The following DNM1 variants were observed in gnomAD, a reference collection of about 807,000 sequenced individuals.
DNM1 encodes the protein dynamin-1.
A neutral mutation model predicts 104.6 loss-of-function variants in DNM1; 29 were observed. The observed-to-expected ratio is 0.28, with a 90% CI of 0.21 to 0.38. The LOEUF (loss-of-function observed/expected upper bound fraction) is 0.38. Among genes scored for constraint, DNM1 ranks in the 10% least tolerant of loss-of-function variants. DNM1 has a pLI of 1.00. For missense variants in DNM1, 640 were observed against 1,189.4 expected (o/e 0.54, Z 6.79); for synonymous variants, 445 against 475.8 (o/e 0.94, Z 0.84).
Position 128,247,568 on chromosome 9 carries a change from C to A in DNM1, c.1893+82C>A. The A allele has an allele frequency of 1.7e-6, 2 of 1,150,976 alleles. No homozygotes were observed. The highest frequency in any genetic ancestry group is 1.5e-5 in the African/African-American group (1 of 65,612). The allele number at this position is 1,150,976 out of a possible 1,614,324, so 71.3% of individuals were successfully genotyped here. ...CCATCCTCAGTGATGCCAAGTCATG[C>A]CATGTTTCCGAGCCCTTATTTGGCT... On this transcript the variant is annotated intron_variant, in intron 17 of 21. Transcript: ENST00000372923. This position sits in a 1 kb window ranked among gnomAD's most constrained non-coding sequence, Gnocchi z 5.1.
chr9:128,213,068 C>T (rs1052394149), intron 1 of DNM1, among the ~76,000 whole-genome samples: 3 of 152,070 alleles, frequency 2.0e-5, no homozygotes, highest in South Asian at 2.1e-4. Context: ...AAATATTTCA[C>T]GTATTTTCTG....
intron 14 of DNM1, among the ~76,000 whole-genome samples, chr9:128,241,450 C>T (rs538620173): frequency 2.5e-4 from 38 of 152,298 alleles, no homozygotes; most frequent in Admixed American, 7.9e-4. Flanking sequence ...TCAGCCCTTG[C>T]CCCTGGGGAC....
At chr9:128,244,240 G>A (rs1263899718) in intron 15 of DNM1, among the ~76,000 whole-genome samples, 2 of 151,804 alleles carry the variant, frequency 1.3e-5, no homozygotes, top group Non-Finnish European at 2.9e-5. Context: ...TTGTGAGGGT[G>A]TGTATGGGTG....
At chr9:128,244,011 T>C (rs1483255160) in intron 15 of DNM1, among the ~76,000 whole-genome samples, 1 of 150,768 alleles carries the variant, frequency 6.6e-6, no homozygotes, top group Non-Finnish European at 1.5e-5. Flanking sequence ...GGAGTGTGAT[T>C]GGAGTATAAG....
In DNM1 at chr9:128,223,040, G is replaced by T. The variant is rs111372530; in HGVS notation, c.1196+180G>T. The stretch of plus-strand genomic sequence containing the variant: ...GGCTCCAGCTTGGGGAGGTGGACCC[G>T]GGCCACCCCGCCTACTGCAACTTGC... On this transcript the variant is annotated intron_variant, in intron 9 of 21. Transcript: ENST00000372923. The T allele has an allele frequency of 4.7e-6, 3 of 635,140 alleles. No homozygotes were observed. The East Asian group carries it at 8.5e-5, about 18-fold the overall frequency. The allele number at this position is 635,140 out of a possible 1,614,324, so 39.3% of individuals were successfully genotyped here. A position where few individuals can be genotyped will look rare whatever the true frequency, so the allele number is the denominator to read the frequency against.
At position 128,243,961 on chromosome 9, in the gene DNM1, G is replaced by C. The variant is rs1435355277; in HGVS notation, c.1671+1616G>C. ...TGTGTTTGTGTGTGTGTGTGTGTGT[G>C]TGTGTGTGGCTTGTGGGTCTGGTGT... On this transcript the variant is annotated intron_variant, in intron 15 of 21. Transcript: ENST00000372923. The surrounding 1 kb of genome is among the most constrained non-coding windows in gnomAD (Gnocchi z 4.0). Among the ~76,000 whole-genome samples, 1 of 151,264 alleles carries C rather than the reference G, an allele frequency of 6.6e-6. No homozygotes were observed. The highest frequency in any genetic ancestry group is 2.1e-4 in the South Asian group (1 of 4,828).
At chr9:128,252,680 G>C (rs1829599367) in intron 21 of DNM1, 1 of 461,294 alleles carries the variant, frequency 2.2e-6, no homozygotes, top group South Asian at 1.6e-5. Context: ...AAGGCTCTTA[G>C]GTGGAGAAAT....
intron 1 of DNM1, among the ~76,000 whole-genome samples, chr9:128,211,521 T>A (rs138007207): frequency 3.6e-4 from 54 of 149,640 alleles, no homozygotes; most frequent in African/African-American, 9.2e-4. Context: ...GGTCTTGTTA[T>A]GTTACCCAGG....
chr9:128,250,450 G>C, intron 20 of DNM1, 94 bp downstream of exon 20: 1 of 1,350,914 alleles, frequency 7.4e-7, no homozygotes, highest in Non-Finnish European at 9.8e-7. Context: ...CGCGTCACCG[G>C]GGTGGCTCCC....
At position 128,223,201 on chromosome 9, in the gene DNM1, C is replaced by G. The variant is rs572674595; in HGVS notation, c.1196+341C>G. ...AAAGATGTCCAAACCACTACGAGGG[C>G]CTGGGGTGGAGCATCTAAGTATGAG... On this transcript the variant is annotated intron_variant, in intron 9 of 21. Coordinates refer to ENST00000372923, the MANE Select transcript of DNM1 (RefSeq NM_004408.4). The G allele has an allele frequency of 3.5e-5, 11 of 313,690 alleles. No homozygotes were observed. In the South Asian group the frequency reaches 4.0e-4, roughly 11 times the overall value. The allele number at this position is 313,690 out of a possible 1,614,324, so 19.4% of individuals were successfully genotyped here.
rs950850168 is a variant in DNM1 at position 128,245,989 on chromosome 9, G to A, written c.1672-405G>A. ...CTGAGCCGGCCCTTTGAAGCCGCCG[G>A]GTCTGGTGGCCCCCCTTCCTGGTCT... On this transcript the variant is annotated intron_variant, in intron 15 of 21. Coordinates refer to ENST00000372923, the MANE Select transcript of DNM1 (RefSeq NM_004408.4). The surrounding 1 kb of genome is among the most constrained non-coding windows in gnomAD (Gnocchi z 5.2). 3.3e-5 allele frequency among the ~76,000 whole-genome samples: 5 copies of A among 152,244 alleles called. No homozygotes were observed. The highest frequency in any genetic ancestry group is 3.3e-4 in the Admixed American group (5 of 15,290).
In DNM1 at chr9:128,254,812, C is replaced by T; in HGVS notation, c.*98C>T. ...GCTCCCCCAGCCCCAAAGCCAGCCC[C>T]CTTCATCTGTGACTTAATCTGTTGT... On this transcript the variant is annotated 3_prime_UTR_variant, in exon 22 of 22. Transcript: ENST00000372923. The surrounding 1 kb of genome is among the most constrained non-coding windows in gnomAD (Gnocchi z 6.1). 4.2e-6 allele frequency: 4 copies of T among 962,820 alleles called. No individual in the cohort carries two copies. Among genetic ancestry groups the T allele is most frequent in the Non-Finnish European group, 6.5e-6 (4 of 616,954 alleles). 59.6% of individuals were successfully genotyped at this position (962,820 alleles called of 1,614,324 possible).
At chr9:128,250,610 G>A in intron 20 of DNM1, 115 bp from the exon 21 acceptor site, 1 of 1,058,530 alleles carries the variant, frequency 9.4e-7, no homozygotes, top group Non-Finnish European at 1.3e-6. Context: ...TAGGGGTGCG[G>A]CAGGGAGGGG....
At chr9:128,230,321 G>A (rs75493053) in intron 10 of DNM1, among the ~76,000 whole-genome samples, 10,307 of 150,400 alleles carry the variant, frequency 0.069, 363 homozygotes, top group Middle Eastern at 0.12. Context: ...AGAAAAGAAC[G>A]TATGGTATTT....
rs1836950805 is a variant in DNM1, at chr9:128,248,269, A to C, written c.1906-314A>C. The C allele has an allele frequency of 2.0e-6, 1 of 502,796 alleles. No individual in the cohort carries two copies. The highest frequency in any genetic ancestry group is 3.4e-5 in the Admixed American group (1 of 29,600). The allele number at this position is 502,796 out of a possible 1,614,324, so 31.1% of individuals were successfully genotyped here. Reference sequence around the variant, plus strand: ...TTGAACCCAGGAGGAGGTTGCAATGAGCCAATACAGCACCACTGCACTCCA... The same window carrying C: ...TTGAACCCAGGAGGAGGTTGCAATGCGCCAATACAGCACCACTGCACTCCA... On this transcript the variant is annotated intron_variant, in intron 18 of 21. Transcript: ENST00000372923. The surrounding 1 kb of genome is among the most constrained non-coding windows in gnomAD (Gnocchi z 5.6).
At chr9:128,231,719 A>G (rs1012331515) in intron 10 of DNM1, among the ~76,000 whole-genome samples, 3 of 152,186 alleles carry the variant, frequency 2.0e-5, no homozygotes, top group African/African-American at 4.8e-5. Context: ...TGAAATGAAG[A>G]GTTTAATGTT....
intron 10 of DNM1, chr9:128,233,673 G>A: frequency 3.2e-6 from 1 of 314,540 alleles, no homozygotes; most frequent in East Asian, 8.2e-5. Context: ...GGAGCTAACG[G>A]TCCCCAGAGG....
intron 11 of DNM1, chr9:128,235,015 A>T (rs1415300848): frequency 1.3e-5 from 2 of 150,110 alleles, no homozygotes; most frequent in Admixed American, 1.3e-4. Context: ...CTGTTCTCAA[A>T]CTCCTGATCT....
chr9:128,248,498 C>T lies in DNM1; in HGVS notation c.1906-85C>T. On this transcript the variant is annotated intron_variant, in intron 18 of 21. Coordinates refer to ENST00000372923, the MANE Select transcript of DNM1 (RefSeq NM_004408.4). The surrounding 1 kb of genome is among the most constrained non-coding windows in gnomAD (Gnocchi z 5.6). ...TCTCTGTGCCTCAATATTCTGGGTA[C>T]CCTTGGAGGGGCTGAGATCCTGGGG... 1 of 1,513,928 alleles carries T rather than the reference C, an allele frequency of 6.6e-7. No individual in the cohort carries two copies. The highest frequency in any genetic ancestry group is 9.0e-7 in the Non-Finnish European group (1 of 1,109,032). The allele number at this position is 1,513,928 out of a possible 1,614,324, so 93.8% of individuals were successfully genotyped here.
Sources: allele counts gnomAD v4.1 joint callset (sites outside exome capture counted in the v4.1 genomes callset), GRCh38; gene constraint gnomAD v4.1.1; non-coding constraint Gnocchi (gnomAD v3.1); transcripts MANE v1.5; gene names NCBI Gene and HGNC (gene_info 2026-07-23, HGNC 2026-07-21).